CHD5: variants seen among roughly 807,000 people sequenced by gnomAD.
CHD5 encodes the protein chromodomain helicase DNA binding protein 5, also known as ATP-dependent chromatin remodeler CHD5.
A neutral mutation model predicts 230.3 loss-of-function variants in CHD5; 69 were observed. The ratio of observed to expected loss-of-function variants is 0.30; its 90% confidence interval spans 0.25 to 0.37. The LOEUF (loss-of-function observed/expected upper bound fraction) is 0.37, where lower values mean the gene tolerates loss of function less well. Among genes scored for constraint, CHD5 ranks in the 10% least tolerant of loss-of-function variants. The probability of loss-of-function intolerance (pLI) is 1.00; values close to 1 mark genes in which losing one functional copy is unlikely to be tolerated. For missense variants in CHD5, 1,827 were observed against 2,622.8 expected (o/e 0.70, Z 6.63); for synonymous variants, 1,064 against 1,065.9 (o/e 1.00, Z 0.03).
chr1:6,105,422 G>C lies in CHD5; in HGVS notation c.*52C>G. 2.1e-6 allele frequency: 1 copy of C among 470,648 alleles called. No homozygotes were observed. The highest frequency in any genetic ancestry group is 4.4e-6 in the Non-Finnish European group (1 of 226,918). The allele number at this position is 470,648 out of a possible 1,614,324, so 29.2% of individuals were successfully genotyped here. A position where few individuals can be genotyped will look rare whatever the true frequency, so the allele number is the denominator to read the frequency against. The stretch of plus-strand genomic sequence containing the variant: ...GTGGGTCGGGCAGGTGGCCCGGCAG[G>C]CGTGGCTGCAAAACGCAAATCAGTG... On this transcript the variant is annotated 3_prime_UTR_variant, in exon 42 of 42. Transcript: ENST00000262450. This position sits in a 1 kb window ranked among gnomAD's most constrained non-coding sequence, Gnocchi z 4.8.
rs1055763471 is a variant in CHD5, at chr1:6,112,940, G to A, written c.4971C>T (p.His1657=). The part of the protein sequence containing the change: ...ILDKLELSLI[H]SRGDSSELRP... ...TGAGTTCGGAACTGTCCCCTCTGCT[G>A]TGGATCAAGCTCAGCTCCAGCTTGT... is the stretch of plus-strand genomic sequence containing the variant. The change falls in exon 34 of 42, where the codon CAC becomes CAT. Residue 1657 remains histidine (H), a synonymous_variant. Coordinates refer to ENST00000262450, the MANE Select transcript of CHD5 (RefSeq NM_015557.3). 1.9e-6 allele frequency: 3 copies of A among 1,613,896 alleles called. No homozygotes were observed. Among genetic ancestry groups the A allele is most frequent in the African/African-American group, 2.7e-5 (2 of 74,942 alleles).
chr1:6,117,678 A>G (rs532579343), intron 33 of CHD5, among the ~76,000 whole-genome samples: 1 of 152,384 alleles, frequency 6.6e-6, no homozygotes, highest in South Asian at 2.1e-4. Flanking sequence ...CCATAATCAC[A>G]TGAAAAAATA....
At position 6,144,224 on chromosome 1, in the gene CHD5, C is replaced by T; in HGVS notation, c.1803-69G>A. On this transcript the variant is annotated intron_variant, in intron 11 of 41. Transcript: ENST00000262450. ...ACAGCACAGGTTTGATGAAGGGCAC[C>T]TCCCAGGATGCAGAGCCATTCACAC... 3.8e-6 allele frequency: 6 copies of T among 1,597,076 alleles called. No individual in the cohort carries two copies. The South Asian group carries it at 5.6e-5, about 15-fold the overall frequency.
intron 9 of CHD5, 115 bp downstream of exon 9, chr1:6,148,739 G>A (rs1387486614): frequency 5.3e-6 from 4 of 756,384 alleles, no homozygotes; most frequent in African/African-American, 1.8e-5. Flanking sequence ...CTACCGAGGC[G>A]GGGCAGGAGC....
At chr1:6,119,310 G>A (rs1393274483) in intron 33 of CHD5, among the ~76,000 whole-genome samples, 1 of 152,060 alleles carries the variant, frequency 6.6e-6, no homozygotes, top group Non-Finnish European at 1.5e-5. Context: ...ATGTTCGACA[G>A]GATAGTCTTG....
intron 9 of CHD5, among the ~76,000 whole-genome samples, chr1:6,147,634 G>A (rs1666931842): frequency 6.6e-6 from 1 of 152,174 alleles, no homozygotes; most frequent in East Asian, 1.9e-4. Context: ...AGCTCTGGTG[G>A]GGATAGCAGG....
At chr1:6,114,048 G>A (rs1014973169) in intron 33 of CHD5, among the ~76,000 whole-genome samples, 2 of 152,202 alleles carry the variant, frequency 1.3e-5, no homozygotes, top group Admixed American at 1.3e-4. Context: ...AGGAGTTCGA[G>A]ACCAGCCTGA....
Position 6,110,386 on chromosome 1 carries a change from A to C in CHD5, c.5382+8T>G, listed in dbSNP as rs563968585. ...CCCCGTGCAGCCCTGGCCCTTCAGAAGACAGACCTTAAACCTGCGGGCCAG... is the reference window on the plus strand; with the variant it reads ...CCCCGTGCAGCCCTGGCCCTTCAGACGACAGACCTTAAACCTGCGGGCCAG... On this transcript the variant is annotated splice_region_variant and intron_variant, in intron 37 of 41. Transcript: ENST00000262450. The C allele has an allele frequency of 6.2e-6, 10 of 1,613,904 alleles. No homozygotes were observed. In the South Asian group the frequency reaches 9.9e-5, roughly 16 times the overall value.
At chr1:6,160,436 G>A (rs1038694919) in intron 2 of CHD5, among the ~76,000 whole-genome samples, 1 of 135,314 alleles carries the variant, frequency 7.4e-6, no homozygotes, top group South Asian at 2.3e-4. Context: ...GAGAAGGAGA[G>A]CCCCAGCCAG....
In CHD5 at chr1:6,142,579, T is replaced by C; in HGVS notation, c.2070A>G (p.Pro690=). Residue 690 remains proline (P), a synonymous_variant, in exon 14 of 42, where the codon CCA becomes CCG. Transcript: ENST00000262450. This position sits in a 1 kb window ranked among gnomAD's most constrained non-coding sequence, Gnocchi z 5.2. ...VDPTVKFDKQ[P]WYIDSTGGTL... Reference sequence around the variant, plus strand: ...TGCCGCCTGTGGAGTCGATGTACCATGGCTGCTTGTCGAACTTGACCGTGG... The same window carrying C: ...TGCCGCCTGTGGAGTCGATGTACCACGGCTGCTTGTCGAACTTGACCGTGG... The C allele has an allele frequency of 1.9e-6, 3 of 1,613,250 alleles. No individual in the cohort carries two copies. Among genetic ancestry groups the C allele is most frequent in the Non-Finnish European group, 2.5e-6 (3 of 1,179,692 alleles).
intron 2 of CHD5, among the ~76,000 whole-genome samples, chr1:6,162,174 G>A (rs963658862): frequency 1.2e-4 from 19 of 152,092 alleles, no homozygotes; most frequent in Admixed American, 3.3e-4. Context: ...CTAAGGTTGG[G>A]AGCTCAAGAC....
rs895565320 is a variant in CHD5 at position 6,104,753 on chromosome 1, A to G, written c.*721T>C. 1 of 152,624 alleles carries G rather than the reference A, an allele frequency of 6.6e-6. No individual in the cohort carries two copies. The highest frequency in any genetic ancestry group is 1.5e-5 in the Non-Finnish European group (1 of 68,430). The allele number at this position is 152,624 out of a possible 1,614,324, so 9.5% of individuals were successfully genotyped here. A position where few individuals can be genotyped will look rare whatever the true frequency, so the allele number is the denominator to read the frequency against. On this transcript the variant is annotated 3_prime_UTR_variant, in exon 42 of 42. Coordinates refer to ENST00000262450, the MANE Select transcript of CHD5 (RefSeq NM_015557.3). ...GGGCCGGGGACAGACACCTGCTGGC[A>G]GAGGATCCACCTCCCCACAAGGAGA...
Position 6,125,339 on chromosome 1 carries a change from G to C in CHD5, c.4261-106C>G, listed in dbSNP as rs915761012. 4.7e-6 allele frequency: 6 copies of C among 1,273,384 alleles called. No individual in the cohort carries two copies. The highest frequency in any genetic ancestry group is 6.5e-6 in the Non-Finnish European group (6 of 928,778). 78.9% of individuals were successfully genotyped at this position (1,273,384 alleles called of 1,614,324 possible). On this transcript the variant is annotated intron_variant, in intron 28 of 41. Coordinates refer to ENST00000262450, the MANE Select transcript of CHD5 (RefSeq NM_015557.3). The surrounding 1 kb of genome is among the most constrained non-coding windows in gnomAD (Gnocchi z 6.7). ...CATGGGAGGAGGAGAAGGTAGGAAG[G>C]GGGCACAGAGAAGGCAGGGGCCTCC...
chr1:6,123,853 G>A (rs957900347), intron 31 of CHD5, 95 bp downstream of exon 31: 38 of 862,438 alleles, frequency 4.4e-5, no homozygotes, highest in African/African-American at 1.4e-4. Context: ...AGGAGAGGCC[G>A]TCTTCTGTGG....
Position 6,111,851 on chromosome 1 carries a change from C to T in CHD5, c.5173G>A (p.Ala1725Thr). Residue 1725 changes from alanine to threonine, a missense_variant, in exon 36 of 42, where the codon GCT becomes ACT. By Grantham distance (58) the Ala-to-Thr change is moderately conservative. Transcript: ENST00000262450. ...LHTLWQNEER[A>T]AVSSGKIYDI... ...TAGATTTTCCCAGAGGATACAGCAGCCCGCTCCTCGTTCTGCCACAGCGTG... is the reference window on the plus strand; with the variant it reads ...TAGATTTTCCCAGAGGATACAGCAGTCCGCTCCTCGTTCTGCCACAGCGTG... 6.2e-7 allele frequency: 1 copy of T among 1,613,310 alleles called. No individual in the cohort carries two copies. Among genetic ancestry groups the T allele is most frequent in the East Asian group, 2.2e-5 (1 of 44,868 alleles).
At position 6,106,495 on chromosome 1, in the gene CHD5, G is replaced by A. The variant is rs892931316; in HGVS notation, c.5757C>T (p.Ser1919=). ...CAAAGTTGTTGCTGTACATCTGGGA[G>A]GAGCCGAAAGCGCCCTGGAGGCAAG... The part of the protein sequence containing the change: ...DPTIQQGAFG[S]SQMYSNNFGP... Residue 1919 remains serine, a synonymous_variant, in exon 40 of 42, where the codon TCC becomes TCT. Transcript: ENST00000262450. 1 of 1,552,872 alleles carries A rather than the reference G, an allele frequency of 6.4e-7. No individual in the cohort carries two copies.
intron 1 of CHD5, among the ~76,000 whole-genome samples, chr1:6,170,095 T>C (rs960293355): frequency 5.3e-5 from 8 of 151,934 alleles, no homozygotes; most frequent in Admixed American, 3.3e-4. Context: ...AAGTTTTTGA[T>C]CATAACCACC....
Position 6,134,956 on chromosome 1 carries a change from C to T in CHD5, c.2871-97G>A. ...GGGGCTGGAAGCTGGTGGCCAAGCA[C>T]CCATTTACAGAGAGACCCAAGGGAC... On this transcript the variant is annotated intron_variant, in intron 18 of 41. Transcript: ENST00000262450. The surrounding 1 kb of genome is among the most constrained non-coding windows in gnomAD (Gnocchi z 6.3). 2 of 1,515,272 alleles carry T rather than the reference C, an allele frequency of 1.3e-6. No homozygotes were observed. Among genetic ancestry groups the T allele is most frequent in the South Asian group, 1.2e-5 (1 of 84,072 alleles). The allele number at this position is 1,515,272 out of a possible 1,614,324, so 93.9% of individuals were successfully genotyped here.
chr1:6,161,655 C>T (rs959883445), intron 2 of CHD5, among the ~76,000 whole-genome samples: 1 of 152,106 alleles, frequency 6.6e-6, no homozygotes, highest in African/African-American at 2.4e-5. Context: ...CGGCCTCGGT[C>T]CTTTGGGGAG....
Sources: gnomAD v4.1 joint callset for allele counts (sites outside exome capture counted in the v4.1 genomes callset) on GRCh38, gnomAD v4.1.1 for gene constraint, Gnocchi (gnomAD v3.1) non-coding constraint, MANE v1.5 for transcripts, NCBI Gene and HGNC (gene_info 2026-07-23, HGNC 2026-07-21) for gene names.